CCDC7: variants seen among roughly 807,000 people sequenced by gnomAD.
CCDC7 encodes coiled-coil domain-containing protein 7.
A neutral mutation model predicts 196.9 loss-of-function variants in CCDC7; 183 were observed. The ratio of observed to expected loss-of-function variants is 0.93; its 90% CI spans 0.82 to 1.05. The LOEUF is 1.05. Among genes scored for constraint, CCDC7 ranks in the 50% least tolerant of loss-of-function variants. CCDC7 has a pLI of 0.00. For synonymous variants in CCDC7, 525 were observed against 484.6 expected, an observed-to-expected ratio of 1.08 and a Z score of -1.10; for missense variants, 1,540 against 1,482.2, an observed-to-expected ratio of 1.04 and a Z score of -0.64.
At chr10:32,606,070 T>C (rs75592019) in intron 18 of CCDC7, among the ~76,000 whole-genome samples, 2,326 of 152,324 alleles carry the variant, frequency 0.015, 69 homozygotes, top group African/African-American at 0.05. Context: ...GTGCAGCCTT[T>C]GGACACTTCT....
intron 31 of CCDC7, among the ~76,000 whole-genome samples, chr10:32,820,745 A>G (rs1410722805): frequency 2.0e-5 from 3 of 152,266 alleles, no homozygotes; most frequent in Non-Finnish European, 2.9e-5. Flanking sequence ...AATGGTGCTG[A>G]GAAAACTGGC....
chr10:32,683,102 A>T (rs2076051499), intron 21 of CCDC7, among the ~76,000 whole-genome samples: 1 of 152,054 alleles, frequency 6.6e-6, no homozygotes, highest in East Asian at 1.9e-4. Context: ...TCCCTAGGTT[A>T]ATTTTCAGAG....
rs570353426 is a variant in CCDC7, at chr10:32,649,987, G to A, written c.2015-14067G>A. Among the ~76,000 whole-genome samples the A allele has an allele frequency of 2.6e-5, 4 of 152,274 alleles. No individual in the cohort carries two copies. In the East Asian group the frequency reaches 7.7e-4, roughly 29 times the overall value. On this transcript the variant is annotated intron_variant, in intron 20 of 41. Transcript: ENST00000639629. ...TCTCAATGAGCTTCTTTGCCGTCAAGATTCTGAATTCCATGTCTGTCATTT... is the reference window on the plus strand; with the variant it reads ...TCTCAATGAGCTTCTTTGCCGTCAAAATTCTGAATTCCATGTCTGTCATTT...
intron 16 of CCDC7, among the ~76,000 whole-genome samples, chr10:32,579,993 C>T (rs929209824): frequency 1.3e-4 from 19 of 151,792 alleles, no homozygotes; most frequent in Middle Eastern, 3.2e-3. Context: ...AGCAGAATAG[C>T]GAGCAGAGCA....
intron 23 of CCDC7, among the ~76,000 whole-genome samples, chr10:32,693,861 G>A (rs1007494549): frequency 6.6e-6 from 1 of 152,148 alleles, no homozygotes; most frequent in Non-Finnish European, 1.5e-5. Context: ...ATAGCATTCT[G>A]TCGAGGGCTG....
intron 21 of CCDC7, among the ~76,000 whole-genome samples, chr10:32,673,885 C>T (rs895187184): frequency 6.6e-6 from 1 of 151,786 alleles, no homozygotes; most frequent in Non-Finnish European, 1.5e-5. Flanking sequence ...CTTTGTTGTC[C>T]AGTTTGTTGG....
intron 20 of CCDC7, among the ~76,000 whole-genome samples, chr10:32,660,596 G>A (rs1371196872): frequency 6.7e-6 from 1 of 148,390 alleles, no homozygotes; most frequent in Non-Finnish European, 1.5e-5. Flanking sequence ...ACGTGTGCAT[G>A]TGTCTTTATA....
In CCDC7 at chr10:32,829,844, G is replaced by A. The variant is rs144757074; in HGVS notation, c.3269-4971G>A. ...GAAAGGCAGACCCACCCTTAATCTGGGTGGGCACCATCTAATCAGCTGCCA... is the reference window on the plus strand; with the variant it reads ...GAAAGGCAGACCCACCCTTAATCTGAGTGGGCACCATCTAATCAGCTGCCA... On this transcript the variant is annotated intron_variant, in intron 32 of 41. Coordinates refer to ENST00000639629, the Ensembl canonical transcript of CCDC7. Among the ~76,000 whole-genome samples, 1,087 of 151,754 alleles carry A rather than the reference G, an allele frequency of 7.2e-3. 13 individuals are homozygous for A. Among genetic ancestry groups the A allele is most frequent in the African/African-American group, 0.025 (1,037 of 41,392 alleles).
At chr10:32,847,363 G>C (rs2093343903) in intron 37 of CCDC7, among the ~76,000 whole-genome samples, 1 of 152,134 alleles carries the variant, frequency 6.6e-6, no homozygotes, top group East Asian at 1.9e-4. Context: ...AAGGAAAAGG[G>C]CATGCCACAA....
chr10:32,698,659 G>A (rs111354486), intron 24 of CCDC7, among the ~76,000 whole-genome samples: 1 of 151,848 alleles, frequency 6.6e-6, no homozygotes, highest in Non-Finnish European at 1.5e-5. Context: ...AGAGAAAAAA[G>A]AGTAAAAAGA....
chr10:32,498,237 G>C (rs564882245), intron 9 of CCDC7, among the ~76,000 whole-genome samples: 4 of 152,086 alleles, frequency 2.6e-5, no homozygotes, highest in African/African-American at 9.6e-5. Context: ...CTTTCCATTT[G>C]CTTGATAAAT....
intron 5 of CCDC7, among the ~76,000 whole-genome samples, chr10:32,463,519 C>G: frequency 6.6e-6 from 1 of 152,136 alleles, no homozygotes; most frequent in East Asian, 1.9e-4. Flanking sequence ...AGTTTGAGAA[C>G]TACTGGTCTC....
intron 40 of CCDC7, among the ~76,000 whole-genome samples, chr10:32,853,305 G>A (rs1232878582): frequency 6.6e-6 from 1 of 152,102 alleles, no homozygotes; most frequent in Non-Finnish European, 1.5e-5. Context: ...TATGATTACA[G>A]AGGAATAATA....
In CCDC7 at chr10:32,669,882, G is replaced by A. The variant is rs193042165; in HGVS notation, c.2122+5721G>A. On this transcript the variant is annotated intron_variant, in intron 21 of 41. Transcript: ENST00000639629. ...ATTTAACTTTCAGGGACAGTAGAAT[G>A]TTTGTATTGTTATACGTGAATTCTC... Among the ~76,000 whole-genome samples the A allele has an allele frequency of 9.1e-4, 139 of 152,206 alleles. No homozygotes were observed. The Middle Eastern group carries it at 0.02, about 22-fold the overall frequency.
intron 29 of CCDC7, among the ~76,000 whole-genome samples, chr10:32,791,900 A>C (rs1020196880): frequency 6.6e-6 from 1 of 152,176 alleles, no homozygotes. Flanking sequence ...ATTCAGTCCA[A>C]AAAAGTCATT....
intron 9 of CCDC7, among the ~76,000 whole-genome samples, chr10:32,497,912 C>T (rs1412389696): frequency 1.3e-5 from 2 of 152,106 alleles, no homozygotes; most frequent in African/African-American, 4.8e-5. Flanking sequence ...ATTAGTTCTG[C>T]TTGGTCTGGA....
chr10:32,537,247 G>C (rs2050663288), intron 11 of CCDC7, among the ~76,000 whole-genome samples: 1 of 152,112 alleles, frequency 6.6e-6, no homozygotes, highest in East Asian at 1.9e-4. Flanking sequence ...CTTCTCTAAT[G>C]ATTACTGATG....
rs2138564456 is a variant in CCDC7 at position 32,606,578 on chromosome 10, A to G, written c.1801+22274A>G. Among the ~76,000 whole-genome samples the G allele has an allele frequency of 3.3e-5, 5 of 152,336 alleles. No individual in the cohort carries two copies. The South Asian group carries it at 1.0e-3, about 32-fold the overall frequency. ...AGGGTTTTGGGAGCCCACCTCTTGT[A>G]CCAGTATGCCCTGGATTTGGGACAT... On this transcript the variant is annotated intron_variant, in intron 18 of 41. Transcript: ENST00000639629.
intron 18 of CCDC7, among the ~76,000 whole-genome samples, chr10:32,593,788 CCAT>C (rs2060021747): frequency 6.6e-6 from 1 of 152,216 alleles, no homozygotes; most frequent in African/African-American, 2.4e-5. Context: ...TTTCCGAGCA[CCAT>C]TTATTAAATA....
Sources: allele counts gnomAD v4.1 joint callset (sites outside exome capture counted in the v4.1 genomes callset), GRCh38; gene constraint gnomAD v4.1.1; transcripts MANE v1.5; gene names NCBI Gene and HGNC (gene_info 2026-07-23, HGNC 2026-07-21).